Variants in NBN observed in about 807,000 individuals in gnomAD.
NBN encodes the protein nibrin.
NBN carries 88 observed loss-of-function variants against 90.8 expected under a neutral mutation model. That is an observed-to-expected ratio of 0.97 (90% confidence interval 0.82 to 1.16). NBN has a LOEUF of 1.16. Ranked by LOEUF, NBN falls within the 50% of genes most tolerant of loss-of-function variation. The pLI is 0.00. For synonymous variants in NBN, 328 were observed against 295.1 expected, an observed-to-expected ratio of 1.11 and a Z score of -1.14; for missense variants, 894 against 869.6, an observed-to-expected ratio of 1.03 and a Z score of -0.35.
intron 5 of NBN, among the ~76,000 whole-genome samples, chr8:89,975,267 A>G (rs1289649373): frequency 1.3e-5 from 2 of 152,248 alleles, no homozygotes; most frequent in African/African-American, 4.8e-5. Flanking sequence ...TGGAAAAAAT[A>G]TTATAGTATG....
chr8:89,984,237 C>A (rs1812217186), intron 1 of NBN: 1 of 541,402 alleles, frequency 1.8e-6, no homozygotes, highest in Non-Finnish European at 3.3e-6. Context: ...AGCGCTGCAA[C>A]GGCGCGGGGG....
At position 89,937,787 on chromosome 8, in the gene NBN, G is replaced by A. The variant is rs570464787; in HGVS notation, c.2185-712C>T. 5.9e-5 allele frequency among the ~76,000 whole-genome samples: 9 copies of A among 152,096 alleles called. No individual in the cohort carries two copies. The South Asian group carries it at 8.3e-4, about 14-fold the overall frequency. ...CTAATCACTTCTCAGCCTCCTCTTC[G>A]TGGACTCTGTATGCCGGTTAAAACT... On this transcript the variant is annotated intron_variant, in intron 14 of 15. Transcript: ENST00000265433.
chr8:89,981,796 A>G (rs951875411), intron 2 of NBN: 17 of 498,588 alleles, frequency 3.4e-5, no homozygotes, highest in African/African-American at 3.3e-4. Flanking sequence ...CCCCTCACAC[A>G]CATTTGAGAA....
intron 9 of NBN, 117 bp downstream of exon 9, chr8:89,958,608 C>T: frequency 8.1e-7 from 1 of 1,228,046 alleles, no homozygotes; most frequent in Non-Finnish European, 1.2e-6. Context: ...CCCTGGTATC[C>T]CATTCTTCCA....
At chr8:89,981,546 A>G (rs776437766) in intron 2 of NBN, 23 bp from the exon 3 acceptor site, 2 of 1,611,178 alleles carry the variant, frequency 1.2e-6, no homozygotes, top group Non-Finnish European at 1.7e-6. Context: ...CAAATAATTT[A>G]AAGTCTTTTA....
intron 8 of NBN, 47 bp downstream of exon 8, chr8:89,964,363 T>C (rs2129784621): frequency 6.2e-7 from 1 of 1,602,858 alleles, no homozygotes. Context: ...CTTATCGATT[T>C]ACATAATAAA....
At chr8:89,980,119 C>T (rs367747774) in intron 4 of NBN, among the ~76,000 whole-genome samples, 1 of 152,196 alleles carries the variant, frequency 6.6e-6, no homozygotes, top group East Asian at 1.9e-4. Context: ...CCCTTGATTA[C>T]AGACAACCCC....
chr8:89,966,066 T>G (rs1811240937), intron 7 of NBN, among the ~76,000 whole-genome samples: 1 of 152,000 alleles, frequency 6.6e-6, no homozygotes, highest in African/African-American at 2.4e-5. Flanking sequence ...ATAGAAACAT[T>G]TTTAATACAT....
chr8:89,940,704 C>A (rs755691315), intron 14 of NBN, among the ~76,000 whole-genome samples: 1 of 148,088 alleles, frequency 6.8e-6, no homozygotes, highest in African/African-American at 2.5e-5. Context: ...TAATAATCCA[C>A]GAATAAAAAG....
chr8:89,972,964 T>C (rs980339164), intron 5 of NBN, among the ~76,000 whole-genome samples: 6 of 152,364 alleles, frequency 3.9e-5, no homozygotes, highest in Non-Finnish European at 4.4e-5. Flanking sequence ...AATTATGCCA[T>C]AGATAACAGT....
chr8:89,942,717 A>G (rs571516327), intron 14 of NBN, among the ~76,000 whole-genome samples: 1 of 152,252 alleles, frequency 6.6e-6, no homozygotes, highest in East Asian at 1.9e-4. Context: ...AGCAGTTGCC[A>G]AAAATATAAC....
chr8:89,980,969 T>G lies in NBN; in HGVS notation c.321-76A>C, dbSNP rs1213655669. ...TGGCAATTTTTAGTACTTTAAAACTTTAAGCTCACATCATATACTGTTATT... is the reference window on the plus strand; with the variant it reads ...TGGCAATTTTTAGTACTTTAAAACTGTAAGCTCACATCATATACTGTTATT... On this transcript the variant is annotated intron_variant, in intron 3 of 15. Coordinates refer to ENST00000265433, the MANE Select transcript of NBN (RefSeq NM_002485.5). 2.6e-5 allele frequency: 33 copies of G among 1,277,762 alleles called. No homozygotes were observed. The South Asian group carries it at 3.8e-4, about 15-fold the overall frequency. The allele number at this position is 1,277,762 out of a possible 1,614,324, so 79.2% of individuals were successfully genotyped here. A position where few individuals can be genotyped will look rare whatever the true frequency, so the allele number is the denominator to read the frequency against.
chr8:89,956,652 A>T (rs982439685), intron 9 of NBN, among the ~76,000 whole-genome samples: 4 of 152,244 alleles, frequency 2.6e-5, no homozygotes, highest in African/African-American at 9.6e-5. Flanking sequence ...AAGTTGAACA[A>T]TTCTTTCCAG....
intron 1 of NBN, among the ~76,000 whole-genome samples, chr8:89,983,426 C>T (rs1812170249): frequency 7.3e-6 from 1 of 137,262 alleles, no homozygotes; most frequent in Admixed American, 7.4e-5. Context: ...AGTGAGACTC[C>T]GTCTCAAAAA....
intron 2 of NBN, 189 bp downstream of exon 2, chr8:89,982,529 AATCT>A: frequency 1.7e-6 from 1 of 597,556 alleles, no homozygotes; most frequent in Non-Finnish European, 3.0e-6. Context: ...AGAAACTTCA[AATCT>A]CAAAATGAAC....
chr8:89,953,488 T>C lies in NBN; in HGVS notation c.1601A>G (p.Asn534Ser). ...TDTDLKSIVKNSASKSHAAEK... is the reference protein window; with the variant it reads ...TDTDLKSIVKSSASKSHAAEK... Reference sequence around the variant, plus strand: ...TGCAGCATGAGATTTACTGGCAGAATTTTTCACAATAGATTTTAAATCTGT... The same window carrying C: ...TGCAGCATGAGATTTACTGGCAGAACTTTTCACAATAGATTTTAAATCTGT... The change falls in exon 11 of 16, where the codon AAT becomes AGT. Residue 534 changes from asparagine to serine, a missense_variant. Physicochemically the swap from Asn to Ser is conservative, Grantham distance 46. Transcript: ENST00000265433. 6.2e-7 allele frequency: 1 copy of C among 1,613,670 alleles called. No individual in the cohort carries two copies. The highest frequency in any genetic ancestry group is 8.5e-7 in the Non-Finnish European group (1 of 1,179,690).
intron 2 of NBN, chr8:89,981,742 C>T: frequency 1.8e-6 from 1 of 566,606 alleles, no homozygotes; most frequent in Non-Finnish European, 3.1e-6. Context: ...CCTCCTAGAA[C>T]ACACATGTTC....
Position 89,953,619 on chromosome 8 carries a change from T to A in NBN, c.1470A>T (p.Leu490Phe). The A allele has an allele frequency of 6.2e-7, 1 of 1,613,434 alleles. No homozygotes were observed. The highest frequency in any genetic ancestry group is 8.5e-7 in the Non-Finnish European group (1 of 1,179,640). ...SARIETSCSLLEQTQPATPSL... is the reference protein window; with the variant it reads ...SARIETSCSLFEQTQPATPSL... ...AGGGTGTAGCAGGTTGTGTTTGTTC[T>A]AAAAGAGAACAAGACGTTTCTATTC... The change falls in exon 11 of 16, where the codon TTA becomes TTT. Residue 490 changes from leucine to phenylalanine, a missense_variant. Coordinates refer to ENST00000265433, the MANE Select transcript of NBN (RefSeq NM_002485.5).
At chr8:89,965,851 T>C (rs1811229421) in intron 7 of NBN, among the ~76,000 whole-genome samples, 1 of 152,190 alleles carries the variant, frequency 6.6e-6, no homozygotes, top group African/African-American at 2.4e-5. Context: ...TCTTTTTGTG[T>C]GTACTGAGCT....
Sources: gnomAD v4.1 joint callset for allele counts (sites outside exome capture counted in the v4.1 genomes callset) on GRCh38, gnomAD v4.1.1 for gene constraint, MANE v1.5 for transcripts, NCBI Gene and HGNC (gene_info 2026-07-23, HGNC 2026-07-21) for gene names.